JAZF1: variants seen among roughly 807,000 people sequenced by gnomAD.
The protein encoded by JAZF1 is JAZF zinc finger 1, also known as juxtaposed with another zinc finger protein 1.
Under a neutral mutation model 26.4 loss-of-function variants are expected in JAZF1, and 8 were observed. The observed-to-expected ratio is 0.30, with a 90% CI of 0.18 to 0.55. JAZF1 has a LOEUF of 0.55. Among genes scored for constraint, JAZF1 ranks in the 20% least tolerant of loss-of-function variants. The pLI is 0.94. For missense variants in JAZF1, 199 were observed against 322.0 expected (o/e 0.62, Z 2.92); for synonymous variants, 126 against 122.3 (o/e 1.03, Z -0.20).
chr7:27,865,843 T>C (rs901918960), intron 3 of JAZF1, among the ~76,000 whole-genome samples: 1 of 152,178 alleles, frequency 6.6e-6, no homozygotes, highest in African/African-American at 2.4e-5. Flanking sequence ...ATGCAGAAGA[T>C]TCCCAGCTGA....
chr7:28,062,745 C>T (rs1783820595), intron 1 of JAZF1, among the ~76,000 whole-genome samples: 1 of 152,212 alleles, frequency 6.6e-6, no homozygotes, highest in South Asian at 2.1e-4. Flanking sequence ...AGCCTTAGGG[C>T]ACTTATTGAG....
intron 2 of JAZF1, among the ~76,000 whole-genome samples, chr7:27,985,803 T>C (rs573471165): frequency 6.6e-6 from 1 of 152,012 alleles, no homozygotes; most frequent in African/African-American, 2.4e-5. Flanking sequence ...TTCAACATAC[T>C]CAAATCAATA....
intron 2 of JAZF1, among the ~76,000 whole-genome samples, chr7:27,917,272 GCA>G (rs1784456148): frequency 6.6e-6 from 1 of 152,084 alleles, no homozygotes; most frequent in African/African-American, 2.4e-5. Flanking sequence ...TTCCATGGAG[GCA>G]CAGTCTTCTC....
chr7:27,886,749 C>T (rs1223045281), intron 3 of JAZF1, among the ~76,000 whole-genome samples: 3 of 152,210 alleles, frequency 2.0e-5, no homozygotes, highest in Admixed American at 2.0e-4. Context: ...TTATGCTTTT[C>T]TGTATCCCCA....
At chr7:28,066,602 CAAA>C (rs911062551) in intron 1 of JAZF1, among the ~76,000 whole-genome samples, 1 of 31,764 alleles carries the variant, frequency 3.1e-5, no homozygotes, top group African/African-American at 1.0e-4. Context: ...GACTCCATCT[CAAA>C]AAAAAAAAAA....
intron 3 of JAZF1, chr7:27,844,533 C>T (rs888072785): frequency 1.3e-5 from 2 of 152,152 alleles, no homozygotes; most frequent in Non-Finnish European, 2.9e-5. Context: ...TCCTGCACTT[C>T]AATTAATAAA....
rs894654540 is a variant in JAZF1, at chr7:28,137,300, G to A, written c.115+43163C>T. On this transcript the variant is annotated intron_variant, in intron 1 of 4. Coordinates refer to ENST00000283928, the MANE Select transcript of JAZF1 (RefSeq NM_175061.4). ...TGTGTCTTAGAATACCACTCTCACC[G>A]CTGTGAAAAGTAAGGGGCAGGGGTG... 2.0e-5 allele frequency among the ~76,000 whole-genome samples: 3 copies of A among 152,260 alleles called. No homozygotes were observed. The East Asian group carries it at 5.8e-4, about 29-fold the overall frequency.
At chr7:27,865,902 G>T (rs887584498) in intron 3 of JAZF1, among the ~76,000 whole-genome samples, 1 of 152,200 alleles carries the variant, frequency 6.6e-6, no homozygotes, top group Non-Finnish European at 1.5e-5. Flanking sequence ...ATATTCTCAA[G>T]GGCAGTCCAC....
chr7:27,843,257 T>G (rs1782957182), intron 3 of JAZF1: 1 of 152,264 alleles, frequency 6.6e-6, no homozygotes, highest in Non-Finnish European at 1.5e-5. Context: ...GTTTATATAC[T>G]TAATTTTGTC....
At chr7:27,914,885 C>A (rs561876029) in intron 2 of JAZF1, 4 of 468,954 alleles carry the variant, frequency 8.5e-6, no homozygotes, top group Non-Finnish European at 1.8e-5. Flanking sequence ...CTAGTGTGCT[C>A]ATAGGACCTA....
chr7:28,169,959 G>T (rs767295793), intron 1 of JAZF1, among the ~76,000 whole-genome samples: 1 of 152,204 alleles, frequency 6.6e-6, no homozygotes, highest in Non-Finnish European at 1.5e-5. Context: ...AAGGTCTGGT[G>T]CTGGAGTGAC....
At chr7:27,869,331 G>C (rs1783539647) in intron 3 of JAZF1, among the ~76,000 whole-genome samples, 1 of 152,184 alleles carries the variant, frequency 6.6e-6, no homozygotes, top group Non-Finnish European at 1.5e-5. Flanking sequence ...TTTACCAGTA[G>C]GACTCCAAAA....
At chr7:28,060,589 T>A (rs1221014728) in intron 1 of JAZF1, among the ~76,000 whole-genome samples, 2 of 152,232 alleles carry the variant, frequency 1.3e-5, no homozygotes, top group African/African-American at 4.8e-5. Context: ...GTTCTGTGGT[T>A]ACAGATTTTC....
At chr7:28,168,958 A>G (rs1783412509) in intron 1 of JAZF1, among the ~76,000 whole-genome samples, 1 of 152,244 alleles carries the variant, frequency 6.6e-6, no homozygotes, top group Non-Finnish European at 1.5e-5. Flanking sequence ...TTTCTCCCCC[A>G]GCTTCACCCA....
At chr7:27,992,538 GT>G (rs1339061308) in intron 1 of JAZF1, among the ~76,000 whole-genome samples, 10 of 152,150 alleles carry the variant, frequency 6.6e-5, no homozygotes. Context: ...CTGGTTCAGA[GT>G]CAACAAACAC....
At chr7:27,887,139 G>C (rs193098611) in intron 3 of JAZF1, among the ~76,000 whole-genome samples, 1 of 152,098 alleles carries the variant, frequency 6.6e-6, no homozygotes, top group Non-Finnish European at 1.5e-5. Flanking sequence ...TAAAGGGTGG[G>C]AGGAGGGAGA....
intron 4 of JAZF1, among the ~76,000 whole-genome samples, chr7:27,833,468 A>T (rs1275115173): frequency 6.6e-6 from 1 of 152,230 alleles, no homozygotes; most frequent in Non-Finnish European, 1.5e-5. Flanking sequence ...CTGTGTTAAC[A>T]GTTCCCTACC....
intron 1 of JAZF1, among the ~76,000 whole-genome samples, chr7:28,048,707 T>A (rs1783537767): frequency 6.6e-6 from 1 of 152,204 alleles, no homozygotes; most frequent in African/African-American, 2.4e-5. Context: ...TGTAAATGAA[T>A]GTTCATAGCA....
intron 2 of JAZF1, among the ~76,000 whole-genome samples, chr7:27,982,822 G>C (rs139602976): frequency 0.034 from 5,134 of 152,250 alleles, 313 homozygotes; most frequent in African/African-American, 0.12. Context: ...TGATACACAG[G>C]CAAACAGGGT....
Sources: gnomAD v4.1 joint callset for allele counts (sites outside exome capture counted in the v4.1 genomes callset) on GRCh38, gnomAD v4.1.1 for gene constraint, MANE v1.5 for transcripts, NCBI Gene and HGNC (gene_info 2026-07-23, HGNC 2026-07-21) for gene names.